Variants in TENM3 observed in about 807,000 individuals in gnomAD.
TENM3 encodes teneurin-3.
In TENM3, 63 loss-of-function variants were observed where a neutral mutation model predicts 255.1. That is an observed-to-expected ratio of 0.25 (90% CI 0.20 to 0.30). TENM3 has a LOEUF of 0.30. Among genes scored for constraint, TENM3 ranks in the 10% least tolerant of loss-of-function variants. TENM3 has a pLI of 1.00. For missense variants in TENM3, 2,929 were observed against 3,461.1 expected (o/e 0.85, Z 3.86); for synonymous variants, 1,306 against 1,322.3 (o/e 0.99, Z 0.27).
At chr4:182,249,693 A>AG (rs1440105631) in intron 1 of TENM3, among the ~76,000 whole-genome samples, 1 of 152,124 alleles carries the variant, frequency 6.6e-6, no homozygotes, top group Non-Finnish European at 1.5e-5. Context: ...TCTGATAGAG[A>AG]GGGGTTGCAA....
chr4:181,458,615 T>G, the TENM3 span, among the ~76,000 whole-genome samples: 1 of 152,092 alleles, frequency 6.6e-6, no homozygotes, highest in African/African-American at 2.4e-5. Flanking sequence ...TGAGACCTTA[T>G]GACCACTTGG....
chr4:181,735,923 T>G, the TENM3 span, among the ~76,000 whole-genome samples: 1 of 152,198 alleles, frequency 6.6e-6, no homozygotes, highest in Admixed American at 6.5e-5. Context: ...GGAGTCCCAG[T>G]TTCTGCTATA....
the TENM3 span, among the ~76,000 whole-genome samples, chr4:181,856,786 G>A: frequency 6.6e-6 from 1 of 152,106 alleles, no homozygotes; most frequent in Admixed American, 6.6e-5. Context: ...CTTCTGCTCT[G>A]TACACACCAG....
At chr4:182,018,187 T>C in the TENM3 span, among the ~76,000 whole-genome samples, 1 of 152,188 alleles carries the variant, frequency 6.6e-6, no homozygotes, top group Admixed American at 6.5e-5. Flanking sequence ...AATTGATTTA[T>C]GTGGTATGAG....
the TENM3 span, among the ~76,000 whole-genome samples, chr4:181,574,882 C>G: frequency 6.6e-6 from 1 of 151,736 alleles, no homozygotes; most frequent in African/African-American, 2.4e-5. Context: ...GAGATTAGGT[C>G]AATAATTATG....
At chr4:182,407,814 T>C (rs1269251545) in intron 3 of TENM3, among the ~76,000 whole-genome samples, 1 of 152,266 alleles carries the variant, frequency 6.6e-6, no homozygotes, top group Non-Finnish European at 1.5e-5. Flanking sequence ...TGCTTCTTTA[T>C]GCTATCCTCA....
At chr4:182,509,197 T>G (rs17073499) in intron 3 of TENM3, among the ~76,000 whole-genome samples, 11,585 of 152,252 alleles carry the variant, frequency 0.076, 499 homozygotes, top group East Asian at 0.11. Context: ...CCGAATTTAA[T>G]GAAAATTACC....
the TENM3 span, among the ~76,000 whole-genome samples, chr4:181,684,869 C>A: frequency 6.6e-6 from 1 of 150,924 alleles, no homozygotes; most frequent in Admixed American, 6.6e-5. Flanking sequence ...TTCTTCCCCA[C>A]TCAGCCTCCC....
chr4:181,661,905 T>TAA, the TENM3 span, among the ~76,000 whole-genome samples: 8,353 of 133,932 alleles, frequency 0.062, 379 homozygotes, highest in African/African-American at 0.13. Context: ...TGGCAGTTTG[T>TAA]AAAAAAAAAA....
In TENM3 at chr4:182,324,079, A is replaced by G; in HGVS notation, c.59A>G (p.Glu20Gly). The change falls in exon 2 of 28, where the codon GAA becomes GGA. Residue 20 changes from glutamate (E) to glycine (G), a missense_variant. Coordinates refer to ENST00000511685, the MANE Select transcript of TENM3 (RefSeq NM_001080477.4). ...CSLTKSRREKERRYTNSSADN... is the reference protein window; with the variant it reads ...CSLTKSRREKGRRYTNSSADN... ...CTGACCAAGAGCAGACGAGAGAAGG[A>G]ACGGCGCTACACAAATTCCTCCGCA... 16 of 1,614,010 alleles carry G rather than the reference A, an allele frequency of 9.9e-6. No homozygotes were observed. The highest frequency in any genetic ancestry group is 1.3e-5 in the Non-Finnish European group (15 of 1,179,896).
At chr4:181,596,059 T>C in the TENM3 span, among the ~76,000 whole-genome samples, 1 of 152,200 alleles carries the variant, frequency 6.6e-6, no homozygotes, top group African/African-American at 2.4e-5. Flanking sequence ...ACCTTGAAGA[T>C]AGGGGCTTTG....
intron 3 of TENM3, among the ~76,000 whole-genome samples, chr4:182,563,163 C>G (rs939926317): frequency 1.3e-5 from 2 of 152,018 alleles, no homozygotes; most frequent in Non-Finnish European, 2.9e-5. Context: ...ACCCGTAATC[C>G]CAACACTTAG....
the TENM3 span, among the ~76,000 whole-genome samples, chr4:181,617,219 A>C: frequency 6.6e-6 from 1 of 152,216 alleles, no homozygotes; most frequent in Admixed American, 6.5e-5. Flanking sequence ...ATATTCAGAA[A>C]ATATTATTTG....
the TENM3 span, among the ~76,000 whole-genome samples, chr4:181,570,697 G>A: frequency 6.6e-6 from 1 of 151,676 alleles, no homozygotes; most frequent in Non-Finnish European, 1.5e-5. Context: ...CTTCTGGTAG[G>A]CAGCGGAGTA....
chr4:182,432,865 T>TGTGTGTGTGTGTGTGTGTGTGTGTG (rs1554066043), intron 3 of TENM3, among the ~76,000 whole-genome samples: 38 of 151,454 alleles, frequency 2.5e-4, no homozygotes, highest in South Asian at 6.3e-4. Context: ...TGTGTGTGTG[T>TGTGTGTGTGTGTGTGTGTGTGTGTG]TTTAGTAGAG....
intron 3 of TENM3, among the ~76,000 whole-genome samples, chr4:182,584,512 A>G (rs147920508): frequency 6.6e-6 from 1 of 152,366 alleles, no homozygotes; most frequent in East Asian, 1.9e-4. Flanking sequence ...TACACTCTGC[A>G]TACACAGGGA....
the TENM3 span, among the ~76,000 whole-genome samples, chr4:181,760,969 TACACACAC>T: frequency 5.3e-4 from 27 of 50,658 alleles, no homozygotes; most frequent in South Asian, 1.4e-3. Context: ...ACCACACACA[TACACACAC>T]ACACACACAC....
chr4:182,035,846 C>T, the TENM3 span, among the ~76,000 whole-genome samples: 1 of 152,124 alleles, frequency 6.6e-6, no homozygotes, highest in Non-Finnish European at 1.5e-5. Context: ...AATCAAAATC[C>T]TAATATGCCC....
chr4:181,701,566 CA>C, the TENM3 span, among the ~76,000 whole-genome samples: 1 of 53,026 alleles, frequency 1.9e-5, no homozygotes, highest in African/African-American at 4.0e-5. Context: ...ATCAGTTTCT[CA>C]GTCTGAAATA....
Sources: allele counts gnomAD v4.1 joint callset (sites outside exome capture counted in the v4.1 genomes callset), GRCh38; gene constraint gnomAD v4.1.1; transcripts MANE v1.5; gene names NCBI Gene and HGNC (gene_info 2026-07-23, HGNC 2026-07-21).